KCNQ1: variants seen among roughly 807,000 people sequenced by gnomAD.
The protein encoded by KCNQ1 is potassium voltage-gated channel subfamily KQT member 1.
A neutral mutation model predicts 72.4 loss-of-function variants in KCNQ1; 49 were observed. The observed-to-expected ratio is 0.68, with a 90% CI of 0.54 to 0.86. KCNQ1 has a LOEUF of 0.86. Among genes scored for constraint, KCNQ1 ranks in the 40% least tolerant of loss-of-function variants. KCNQ1 has a pLI of 0.00. For synonymous variants in KCNQ1, 450 were observed against 412.6 expected, an observed-to-expected ratio of 1.09 and a Z score of -1.10; for missense variants, 790 against 945.1, an observed-to-expected ratio of 0.84 and a Z score of 2.15.
In KCNQ1 at chr11:2,536,003, C is replaced by T. The variant is rs928599094; in HGVS notation, c.477+7985C>T. On this transcript the variant is annotated intron_variant, in intron 2 of 15. Transcript: ENST00000155840. The surrounding 1 kb of genome is among the most constrained non-coding windows in gnomAD (Gnocchi z 7.4). ...GCCCACGGGGCATGGCATGAAGACC[C>T]GGTGGTTCTGTTCCCCCGGGACAGC... 5.3e-5 allele frequency among the ~76,000 whole-genome samples: 8 copies of T among 152,154 alleles called. No homozygotes were observed. Among genetic ancestry groups the T allele is most frequent in the African/African-American group, 1.2e-4 (5 of 41,442 alleles).
intron 5 of KCNQ1, among the ~76,000 whole-genome samples, chr11:2,572,580 C>G (rs1363476824): frequency 6.6e-6 from 1 of 152,224 alleles, no homozygotes; most frequent in African/African-American, 2.4e-5. Context: ...GGAAAGAGAG[C>G]TGGGCAATCA....
chr11:2,552,845 C>T lies in KCNQ1; in HGVS notation c.478-17783C>T, dbSNP rs182313674. Among the ~76,000 whole-genome samples the T allele has an allele frequency of 2.0e-5, 3 of 152,124 alleles. No homozygotes were observed. In the East Asian group the frequency reaches 5.8e-4, roughly 29 times the overall value. ...GTCTCGCTCCCCAGTGCCTCATGCACGTCTTAGTAATACCGAGTTTTCTGA... is the reference window on the plus strand; with the variant it reads ...GTCTCGCTCCCCAGTGCCTCATGCATGTCTTAGTAATACCGAGTTTTCTGA... On this transcript the variant is annotated intron_variant, in intron 2 of 15. Transcript: ENST00000155840.
rs1257382931 is a variant in KCNQ1, at chr11:2,745,062, G to A, written c.1515-23782G>A. Among the ~76,000 whole-genome samples, 1 of 152,120 alleles carries A rather than the reference G, an allele frequency of 6.6e-6. No individual in the cohort carries two copies. Among genetic ancestry groups the A allele is most frequent in the African/African-American group, 2.4e-5 (1 of 41,430 alleles). On this transcript the variant is annotated intron_variant, in intron 11 of 15. Transcript: ENST00000155840. The surrounding 1 kb of genome is among the most constrained non-coding windows in gnomAD (Gnocchi z 6.2). Reference sequence around the variant, plus strand: ...CTCTGGTTTAGAAACGGGTTCTAATGCCCAGAAGAGCTCCTAAACCCCTAT... The same window carrying A: ...CTCTGGTTTAGAAACGGGTTCTAATACCCAGAAGAGCTCCTAAACCCCTAT...
Position 2,658,302 on chromosome 11 carries a change from A to C in KCNQ1, c.1394-3659A>C. On this transcript the variant is annotated intron_variant, in intron 10 of 15. Coordinates refer to ENST00000155840, the MANE Select transcript of KCNQ1 (RefSeq NM_000218.3). The surrounding 1 kb of genome is among the most constrained non-coding windows in gnomAD (Gnocchi z 4.9). The stretch of plus-strand genomic sequence containing the variant: ...TACATTTTTTATTTGGAATTCCTTT[A>C]TAAGGAAGATTTGTCCCTCTCCTCC... 1 of 398,450 alleles carries C rather than the reference A, an allele frequency of 2.5e-6. No homozygotes were observed. The highest frequency in any genetic ancestry group is 3.6e-5 in the East Asian group (1 of 28,074). 24.7% of individuals were successfully genotyped at this position (398,450 alleles called of 1,614,324 possible). A position where few individuals can be genotyped will look rare whatever the true frequency, so the allele number is the denominator to read the frequency against.
In KCNQ1 at chr11:2,545,675, G is replaced by A. The variant is rs189001013; in HGVS notation, c.477+17657G>A. On this transcript the variant is annotated intron_variant, in intron 2 of 15. Transcript: ENST00000155840. ...TCAGGTGATTGATAATTCTATTTAG[G>A]TGATTGATAATTCTATTCAGGTGAT... Among the ~76,000 whole-genome samples, 786 of 152,176 alleles carry A rather than the reference G, an allele frequency of 5.2e-3. 2 individuals are homozygous for A. Among genetic ancestry groups the A allele is most frequent in the African/African-American group, 0.018 (746 of 41,516 alleles).
rs1846304329 is a variant in KCNQ1 at position 2,463,208 on chromosome 11, A to T, written c.386+17724A>T. On this transcript the variant is annotated intron_variant, in intron 1 of 15. Coordinates refer to ENST00000155840, the MANE Select transcript of KCNQ1 (RefSeq NM_000218.3). The surrounding 1 kb of genome is among the most constrained non-coding windows in gnomAD (Gnocchi z 7.0). Reference sequence around the variant, plus strand: ...CCTCTCCCGGCTGTGACCTTGGGGGACCATTGACTTTACTGTGTGCCTGGA... The same window carrying T: ...CCTCTCCCGGCTGTGACCTTGGGGGTCCATTGACTTTACTGTGTGCCTGGA... Among the ~76,000 whole-genome samples, 1 of 151,850 alleles carries T rather than the reference A, an allele frequency of 6.6e-6. No individual in the cohort carries two copies. Among genetic ancestry groups the T allele is most frequent in the Non-Finnish European group, 1.5e-5 (1 of 67,962 alleles).
Position 2,682,808 on chromosome 11 carries a change from A to G in KCNQ1, c.1514+20727A>G. On this transcript the variant is annotated intron_variant, in intron 11 of 15. Transcript: ENST00000155840. This position sits in a 1 kb window ranked among gnomAD's most constrained non-coding sequence, Gnocchi z 5.8. ...GGCACCATGAAATGCAGTGACTTGC[A>G]GTGATCCTCCTGGGGCCTTGTATAG... 2.5e-6 allele frequency: 1 copy of G among 398,672 alleles called. No individual in the cohort carries two copies. Among genetic ancestry groups the G allele is most frequent in the South Asian group, 1.3e-4 (1 of 7,862 alleles). The allele number at this position is 398,672 out of a possible 1,614,324, so 24.7% of individuals were successfully genotyped here.
chr11:2,842,856 C>A (rs1031533137), intron 15 of KCNQ1, among the ~76,000 whole-genome samples: 2 of 152,228 alleles, frequency 1.3e-5, no homozygotes, highest in African/African-American at 4.8e-5. Context: ...TCCACTTGAT[C>A]CCCTCAGCAT....
intron 1 of KCNQ1, among the ~76,000 whole-genome samples, chr11:2,520,996 A>C (rs1205886394): frequency 6.7e-6 from 1 of 150,238 alleles, no homozygotes; most frequent in Non-Finnish European, 1.5e-5. Flanking sequence ...CACGGGGAAC[A>C]TTTTGAACCC....
At chr11:2,821,528 G>A (rs1847737312) in intron 15 of KCNQ1, among the ~76,000 whole-genome samples, 1 of 152,168 alleles carries the variant, frequency 6.6e-6, no homozygotes, top group African/African-American at 2.4e-5. Context: ...CTGGTAAAAA[G>A]CCTCATGAGG....
At chr11:2,686,791 A>C (rs1000818213) in intron 11 of KCNQ1, 1 of 398,566 alleles carries the variant, frequency 2.5e-6, no homozygotes, top group African/African-American at 2.1e-5. Flanking sequence ...TATGATGCAC[A>C]AGCAGCCCCT....
chr11:2,847,710 T>TCTGCACACCTGGGTG, intron 15 of KCNQ1, 57 bp from the exon 16 acceptor site: 1 of 1,504,506 alleles, frequency 6.6e-7, no homozygotes, highest in South Asian at 1.2e-5. Context: ...CCTGAGGCTG[T>TCTGCACACCTGGGTG]CTGCACACCT....
intron 2 of KCNQ1, among the ~76,000 whole-genome samples, chr11:2,534,130 C>G (rs1235852236): frequency 6.6e-6 from 1 of 152,140 alleles, no homozygotes; most frequent in Non-Finnish European, 1.5e-5. Context: ...GCCTCAGTTT[C>G]CCTCCCAGCA....
rs545847270 is a variant in KCNQ1 at position 2,613,336 on chromosome 11, C to T, written c.1393+24482C>T. The T allele has an allele frequency of 2.5e-5, 10 of 398,412 alleles. No homozygotes were observed. Among genetic ancestry groups the T allele is most frequent in the South Asian group, 2.5e-4 (2 of 7,848 alleles). 24.7% of individuals were successfully genotyped at this position (398,412 alleles called of 1,614,324 possible). A position where few individuals can be genotyped will look rare whatever the true frequency, so the allele number is the denominator to read the frequency against. On this transcript the variant is annotated intron_variant, in intron 10 of 15. Transcript: ENST00000155840. This position sits in a 1 kb window ranked among gnomAD's most constrained non-coding sequence, Gnocchi z 4.8. ...CCTTTTAAAATTTTTCTTAATCTGT[C>T]GCTTGCCCAACCAGTATTGAAACAT...
Position 2,674,908 on chromosome 11 carries a change from G to A in KCNQ1, c.1514+12827G>A, listed in dbSNP as rs140951826. 1,749 of 395,194 alleles carry A rather than the reference G, an allele frequency of 4.4e-3. 25 individuals are homozygous for A. The highest frequency in any genetic ancestry group is 0.034 in the African/African-American group (1,596 of 47,494). The allele number at this position is 395,194 out of a possible 1,614,324, so 24.5% of individuals were successfully genotyped here. A position where few individuals can be genotyped will look rare whatever the true frequency, so the allele number is the denominator to read the frequency against. On this transcript the variant is annotated intron_variant, in intron 11 of 15. Transcript: ENST00000155840. This position sits in a 1 kb window ranked among gnomAD's most constrained non-coding sequence, Gnocchi z 5.9. ...AGGGTCTGAAAAGTCCTTTGTGTTA[G>A]CTCCAGCTGCAGAGTTTTTCCAGGC...
chr11:2,459,939 G>A (rs1005330635), intron 1 of KCNQ1, among the ~76,000 whole-genome samples: 2 of 151,904 alleles, frequency 1.3e-5, no homozygotes, highest in African/African-American at 2.4e-5. Context: ...GTGTGGTTTC[G>A]CAGTCTTTCA....
At chr11:2,789,928 C>T (rs1465168593) in intron 15 of KCNQ1, among the ~76,000 whole-genome samples, 1 of 152,224 alleles carries the variant, frequency 6.6e-6, no homozygotes, top group African/African-American at 2.4e-5. Flanking sequence ...CTGTGAGGTC[C>T]TCCCCACTCA....
intron 15 of KCNQ1, among the ~76,000 whole-genome samples, chr11:2,810,032 C>T (rs1390297193): frequency 1.3e-5 from 2 of 152,146 alleles, no homozygotes; most frequent in Non-Finnish European, 2.9e-5. Context: ...CCATGGTGCC[C>T]TATTGATAGT....
At chr11:2,751,750 G>A (rs928883197) in intron 11 of KCNQ1, among the ~76,000 whole-genome samples, 9 of 152,242 alleles carry the variant, frequency 5.9e-5, no homozygotes, top group African/African-American at 1.4e-4. Context: ...CAGGCAGATC[G>A]GGACCCCAGG....
Sources: gnomAD v4.1 joint callset for allele counts (sites outside exome capture counted in the v4.1 genomes callset) on GRCh38, gnomAD v4.1.1 for gene constraint, Gnocchi (gnomAD v3.1) non-coding constraint, MANE v1.5 for transcripts, NCBI Gene and HGNC (gene_info 2026-07-23, HGNC 2026-07-21) for gene names.